MOB3B: variants seen among roughly 807,000 people sequenced by gnomAD.
The protein encoded by MOB3B is MOB kinase activator-like 2B.
In MOB3B, 7 loss-of-function variants were observed where a neutral mutation model predicts 18.7. The ratio of observed to expected loss-of-function variants is 0.37; its 90% CI spans 0.21 to 0.70. The LOEUF is 0.70. MOB3B is among the 30% of genes least tolerant of loss of function. The pLI is 0.52. For synonymous variants in MOB3B, 111 were observed against 99.9 expected, an observed-to-expected ratio of 1.11 and a Z score of -0.66; for missense variants, 253 against 281.3, an observed-to-expected ratio of 0.90 and a Z score of 0.72.
At chr9:27,371,093 T>G (rs1002290101) in intron 2 of MOB3B, among the ~76,000 whole-genome samples, 4 of 152,238 alleles carry the variant, frequency 2.6e-5, no homozygotes, top group African/African-American at 9.6e-5. Context: ...GTGGTTATTT[T>G]CATCTAAATA....
chr9:27,407,437 T>C (rs1821999162), intron 2 of MOB3B, among the ~76,000 whole-genome samples: 1 of 152,162 alleles, frequency 6.6e-6, no homozygotes. Flanking sequence ...CACTCAGAAG[T>C]GTGGAGAAAA....
At chr9:27,520,339 A>G (rs145013135) in intron 1 of MOB3B, among the ~76,000 whole-genome samples, 1 of 152,220 alleles carries the variant, frequency 6.6e-6, no homozygotes, top group Non-Finnish European at 1.5e-5. Flanking sequence ...AACATGTATA[A>G]ACGATCTCAA....
At chr9:27,449,459 G>A (rs1822748102) in intron 2 of MOB3B, among the ~76,000 whole-genome samples, 1 of 152,146 alleles carries the variant, frequency 6.6e-6, no homozygotes, top group Admixed American at 6.5e-5. Context: ...TCCTGTGGAG[G>A]TCACAGTTAT....
At chr9:27,400,801 G>A (rs1821866803) in intron 2 of MOB3B, among the ~76,000 whole-genome samples, 1 of 152,168 alleles carries the variant, frequency 6.6e-6, no homozygotes, top group East Asian at 1.9e-4. Flanking sequence ...ATCACTCAAA[G>A]GGGGCAGTTT....
intron 1 of MOB3B, among the ~76,000 whole-genome samples, chr9:27,510,625 T>G: frequency 6.6e-6 from 1 of 152,378 alleles, no homozygotes; most frequent in Non-Finnish European, 1.5e-5. Flanking sequence ...TATATGGTGT[T>G]CTAAATTTCT....
chr9:27,514,956 C>T (rs1286027651), intron 1 of MOB3B, among the ~76,000 whole-genome samples: 1 of 152,134 alleles, frequency 6.6e-6, no homozygotes, highest in Non-Finnish European at 1.5e-5. Flanking sequence ...CCTTGAAGGC[C>T]CACAGGAGAA....
chr9:27,447,678 A>C (rs62541583), intron 2 of MOB3B, among the ~76,000 whole-genome samples: 1 of 152,082 alleles, frequency 6.6e-6, no homozygotes, highest in South Asian at 2.1e-4. Context: ...TGGAGGCCCT[A>C]AACAGAGGTA....
At chr9:27,500,493 G>T (rs1819973395) in intron 1 of MOB3B, among the ~76,000 whole-genome samples, 2 of 152,106 alleles carry the variant, frequency 1.3e-5, no homozygotes, top group Non-Finnish European at 2.9e-5. Flanking sequence ...AACAAGAAAT[G>T]GGGAAAGGAT....
At chr9:27,483,653 GC>G (rs1329457574) in intron 1 of MOB3B, among the ~76,000 whole-genome samples, 1 of 152,156 alleles carries the variant, frequency 6.6e-6, no homozygotes, top group African/African-American at 2.4e-5. Context: ...TTATAAAGGT[GC>G]TTTTCATCGC....
intron 1 of MOB3B, among the ~76,000 whole-genome samples, chr9:27,527,644 A>G (rs1235557858): frequency 1.3e-5 from 2 of 152,240 alleles, no homozygotes; most frequent in Non-Finnish European, 2.9e-5. Flanking sequence ...GGAGGAATCA[A>G]AAGTGTAATT....
At chr9:27,420,490 A>ATATATTCCATCTATATATTCCATC (rs1335899496) in intron 2 of MOB3B, among the ~76,000 whole-genome samples, 1 of 144,734 alleles carries the variant, frequency 6.9e-6, no homozygotes, top group Non-Finnish European at 1.5e-5. Flanking sequence ...TATATTTCAT[A>ATATATTCCATCTATATATTCCATC]TATATTCCAT....
intron 3 of MOB3B, among the ~76,000 whole-genome samples, chr9:27,354,443 C>G (rs551273043): frequency 1.3e-5 from 2 of 152,176 alleles, no homozygotes; most frequent in South Asian, 4.1e-4. Flanking sequence ...AGAGTTGAGG[C>G]CTCGTCTTTC....
intron 3 of MOB3B, among the ~76,000 whole-genome samples, chr9:27,338,778 C>A (rs981341344): frequency 9.2e-5 from 14 of 152,174 alleles, no homozygotes; most frequent in African/African-American, 3.1e-4. Context: ...TCTCTTTTAG[C>A]TTTCTAGAAT....
At chr9:27,479,984 G>T (rs1382565138) in intron 1 of MOB3B, among the ~76,000 whole-genome samples, 2 of 150,528 alleles carry the variant, frequency 1.3e-5, no homozygotes, top group Non-Finnish European at 1.5e-5. Context: ...TTTAGCCCAG[G>T]AATTCAAGGT....
chr9:27,414,413 C>G (rs184028856), intron 2 of MOB3B, among the ~76,000 whole-genome samples: 14 of 152,328 alleles, frequency 9.2e-5, no homozygotes, highest in African/African-American at 3.4e-4. Context: ...TTTGCAGCTG[C>G]TGAGAGCCCA....
At chr9:27,354,979 T>C (rs1462805254) in intron 3 of MOB3B, among the ~76,000 whole-genome samples, 1 of 152,250 alleles carries the variant, frequency 6.6e-6, no homozygotes, top group East Asian at 1.9e-4. Flanking sequence ...TTAATTTTTA[T>C]AACTCTTATT....
At chr9:27,416,982 G>A (rs377673395) in intron 2 of MOB3B, among the ~76,000 whole-genome samples, 1 of 152,176 alleles carries the variant, frequency 6.6e-6, no homozygotes, top group South Asian at 2.1e-4. Context: ...TGCGATTGAA[G>A]GGGAGAAAGA....
At chr9:27,448,884 C>A (rs1165033316) in intron 2 of MOB3B, among the ~76,000 whole-genome samples, 1 of 152,110 alleles carries the variant, frequency 6.6e-6, no homozygotes, top group Non-Finnish European at 1.5e-5. Context: ...AACACTTTTC[C>A]CATCCTCTTG....
intron 1 of MOB3B, among the ~76,000 whole-genome samples, chr9:27,526,702 T>A (rs549671692): frequency 6.6e-6 from 1 of 152,128 alleles, no homozygotes; most frequent in South Asian, 2.1e-4. Flanking sequence ...AAGGATAACA[T>A]CTCCACTGGA....
Sources: allele counts gnomAD v4.1 joint callset (sites outside exome capture counted in the v4.1 genomes callset), GRCh38; gene constraint gnomAD v4.1.1; transcripts MANE v1.5; gene names NCBI Gene and HGNC (gene_info 2026-07-23, HGNC 2026-07-21).